Variants in BRCA1 observed in about 807,000 individuals in gnomAD.
The protein encoded by BRCA1 is breast cancer type 1 susceptibility protein.
A neutral mutation model predicts 173.7 loss-of-function variants in BRCA1; 140 were observed. That is an observed-to-expected ratio of 0.81 (90% CI 0.70 to 0.93). BRCA1 has a LOEUF of 0.93. BRCA1 is among the 40% of genes least tolerant of loss of function. The pLI is 0.00. For missense variants in BRCA1, 1,983 were observed against 2,172.5 expected, an observed-to-expected ratio of 0.91 and a Z score of 1.73; for synonymous variants, 662 against 756.0, an observed-to-expected ratio of 0.88 and a Z score of 2.04.
intron 6 of BRCA1, 71 bp downstream of exon 6, chr17:43,104,051 C>G (rs1567809719): frequency 6.6e-7 from 1 of 1,521,434 alleles, no homozygotes. Context: ...GAGCAAGACT[C>G]CATCTCAAAA....
chr17:43,142,605 A>T (rs2056083093), intron 1 of BRCA1: 1 of 152,188 alleles, frequency 6.6e-6, no homozygotes. Context: ...TGATGATTTT[A>T]AAAACTATGC....
Position 43,100,644 on chromosome 17 carries a change from A to AC in BRCA1, c.442-765_442-764insG, listed in dbSNP as rs1255823635. 1.5e-3 allele frequency among the ~76,000 whole-genome samples: 79 copies of AC among 52,144 alleles called. 6 individuals are homozygous for AC. The highest frequency in any genetic ancestry group is 9.3e-3 in the South Asian group (12 of 1,284). The allele number at this position is 52,144 out of a possible 152,430, so 34.2% of individuals were successfully genotyped here. On this transcript the variant is annotated intron_variant, in intron 6 of 22. Transcript: ENST00000357654. ...ACATATATATATGTTATATATATAT[A>AC]ACATATATATAACATATATATATAT...
At chr17:43,126,916 G>A (rs1212095472), upstream of BRCA1, among the ~76,000 whole-genome samples, 2 of 152,134 alleles carry the variant, frequency 1.3e-5, no homozygotes, top group Non-Finnish European at 2.9e-5. Context: ...CGCGGGCTCA[G>A]CGGGCCCCGC....
upstream of BRCA1, among the ~76,000 whole-genome samples, chr17:43,128,396 C>T (rs1295749350): frequency 6.9e-6 from 1 of 144,920 alleles, no homozygotes; most frequent in Non-Finnish European, 1.5e-5. Flanking sequence ...TGAACACGTC[C>T]GAACATCAGA....
intron 2 of BRCA1, 103 bp downstream of exon 2, chr17:43,123,914 C>T: frequency 3.3e-6 from 3 of 905,324 alleles, no homozygotes; most frequent in Non-Finnish European, 5.5e-6. Context: ...CCTAATCTTA[C>T]TAGACATGTC....
intron 19 of BRCA1, among the ~76,000 whole-genome samples, chr17:43,056,769 A>G (rs907368946): frequency 6.6e-6 from 1 of 152,242 alleles, no homozygotes; most frequent in African/African-American, 2.4e-5. Flanking sequence ...TCATCTGCTT[A>G]AAGTCCCAGC....
At chr17:43,168,806 AAG>A (rs1413603001) in intron 1 of BRCA1, among the ~76,000 whole-genome samples, 1 of 152,210 alleles carries the variant, frequency 6.6e-6, no homozygotes, top group Non-Finnish European at 1.5e-5. Context: ...TTCTCCAAGA[AAG>A]AGAAAGCTAC....
chr17:43,063,606 C>T lies in BRCA1; in HGVS notation c.5153-233G>A, dbSNP rs1321271613. Among the ~76,000 whole-genome samples the T allele has an allele frequency of 3.3e-5, 5 of 152,172 alleles. No individual in the cohort carries two copies. In the South Asian group the frequency reaches 6.2e-4, roughly 19 times the overall value. On this transcript the variant is annotated intron_variant, in intron 17 of 22. Transcript: ENST00000357654. ...TTGCCTGCTGCACATGGATTCCTGC[C>T]GACTATTAAATAAATCCCTAGCTCA... is the stretch of plus-strand genomic sequence containing the variant.
intron 11 of BRCA1, among the ~76,000 whole-genome samples, chr17:43,088,081 T>C (rs947930227): frequency 6.6e-5 from 10 of 152,180 alleles, no homozygotes; most frequent in Non-Finnish European, 1.0e-4. Flanking sequence ...ATAAAGTATA[T>C]ACAAGCACCC....
intron 13 of BRCA1, 113 bp from the exon 14 acceptor site, chr17:43,074,634 ATGACTGGC>A: frequency 3.0e-6 from 3 of 1,014,440 alleles, no homozygotes; most frequent in South Asian, 2.8e-5. Flanking sequence ...GAGATCAGAA[ATGACTGGC>A]AAAAAAGAGC....
Position 43,090,921 on chromosome 17 carries a change from G to GCA in BRCA1, c.4185+21_4185+22dup, listed in dbSNP as rs273900723. 77 of 1,581,826 alleles carry GCA rather than the reference G, an allele frequency of 4.9e-5. 1 individual carries two copies. The highest frequency in any genetic ancestry group is 3.3e-4 in the Middle Eastern group (2 of 6,036). ...CAAAGGACACCACACACACGCATGT[G>GCA]CACACACACACACGCTTTTTACCTG... On this transcript the variant is annotated intron_variant, in intron 11 of 22. Transcript: ENST00000357654.
intron 1 of BRCA1, among the ~76,000 whole-genome samples, chr17:43,145,440 T>C (rs1436970018): frequency 1.3e-5 from 2 of 151,732 alleles, no homozygotes; most frequent in East Asian, 1.9e-4. Flanking sequence ...CATTCTCCTG[T>C]CTCAGCCTCC....
chr17:43,108,243 C>G (rs956528421), intron 3 of BRCA1, among the ~76,000 whole-genome samples: 7 of 149,406 alleles, frequency 4.7e-5, no homozygotes, highest in Non-Finnish European at 7.4e-5. Context: ...GAGGCTGAGG[C>G]ATGAGAATAA....
chr17:43,071,319 A>C, intron 14 of BRCA1, 81 bp from the exon 15 acceptor site: 1 of 1,500,738 alleles, frequency 6.7e-7, no homozygotes, highest in Non-Finnish European at 9.2e-7. Flanking sequence ...AGAATTAAAA[A>C]GACCAATAAA....
At chr17:43,057,219 A>C (rs2153412398) in intron 18 of BRCA1, 84 bp from the exon 19 acceptor site, 1 of 1,357,552 alleles carries the variant, frequency 7.4e-7, no homozygotes, top group Non-Finnish European at 1.1e-6. Flanking sequence ...GTCATATTTA[A>C]GGCATTCAGG....
chr17:43,093,118 ACT>A lies in BRCA1; in HGVS notation c.2411_2412del (p.Gln804LeufsTer5), dbSNP rs80357664. 4 of 1,613,562 alleles carry A rather than the reference ACT, an allele frequency of 2.5e-6. No homozygotes were observed. The highest frequency in any genetic ancestry group is 3.4e-6 in the Non-Finnish European group (4 of 1,179,916). ...CCCTTGGGGTTTTCAAATGCTGCAC[ACT>A]GACTCACACATTTATTTGGTTCTGT... ...AKTEPNKCVS[Q>X]CAAFENPKGL... On this transcript the variant is annotated frameshift_variant, in exon 10 of 23. Transcript: ENST00000357654. LOFTEE classifies it high-confidence loss of function.
intron 18 of BRCA1, among the ~76,000 whole-genome samples, chr17:43,062,871 A>G (rs2051826792): frequency 1.3e-5 from 2 of 152,082 alleles, no homozygotes; most frequent in Admixed American, 1.3e-4. Flanking sequence ...TGTTAGGATT[A>G]CAGGCATGAG....
At chr17:43,142,914 T>G (rs755873622) in intron 1 of BRCA1, among the ~76,000 whole-genome samples, 122 of 140,774 alleles carry the variant, frequency 8.7e-4, no homozygotes, top group Non-Finnish European at 1.3e-3. Context: ...CGGCTAATTT[T>G]TGTGTGTGTG....
chr17:43,110,505 G>T (rs1292416073), intron 3 of BRCA1: 3 of 420,192 alleles, frequency 7.1e-6, no homozygotes, highest in Non-Finnish European at 1.4e-5. Flanking sequence ...AGGATCGCTT[G>T]AGCCTAGGAG....
Sources: gnomAD v4.1 joint callset for allele counts (sites outside exome capture counted in the v4.1 genomes callset) on GRCh38, gnomAD v4.1.1 for gene constraint, MANE v1.5 for transcripts, NCBI Gene and HGNC (gene_info 2026-07-23, HGNC 2026-07-21) for gene names.